TSPAN9: variants seen among roughly 807,000 people sequenced by gnomAD.
The protein encoded by TSPAN9 is tetraspanin 9, also known as tetraspanin-9.
TSPAN9 carries 16 observed loss-of-function variants against 31.0 expected under a neutral mutation model. The observed-to-expected ratio is 0.52, with a 90% confidence interval of 0.35 to 0.78. TSPAN9 has a LOEUF of 0.78. Ranked by LOEUF, TSPAN9 falls within the 30% of genes least tolerant of loss-of-function variation. The pLI is 0.01. For missense variants in TSPAN9, 272 were observed against 312.5 expected, an observed-to-expected ratio of 0.87 and a Z score of 0.98; for synonymous variants, 145 against 121.6, an observed-to-expected ratio of 1.19 and a Z score of -1.27.
intron 2 of TSPAN9, among the ~76,000 whole-genome samples, chr12:3,146,946 C>G (rs2098337541): frequency 6.6e-6 from 1 of 152,084 alleles, no homozygotes; most frequent in African/African-American, 2.4e-5. Context: ...AGTCCCTTAT[C>G]TTCTCTGAGC....
intron 2 of TSPAN9, among the ~76,000 whole-genome samples, chr12:3,122,279 A>T (rs2098325466): frequency 7.7e-6 from 1 of 129,200 alleles, no homozygotes; most frequent in Admixed American, 7.4e-5. Context: ...GCTTGCAGTG[A>T]GCCTGCACTC....
intron 2 of TSPAN9, among the ~76,000 whole-genome samples, chr12:3,179,092 TAGAC>T (rs1345104017): frequency 1.3e-5 from 2 of 152,130 alleles, no homozygotes; most frequent in African/African-American, 4.8e-5. Flanking sequence ...ATGTTGGCAT[TAGAC>T]AGGAACTATC....
intron 3 of TSPAN9, among the ~76,000 whole-genome samples, chr12:3,254,238 A>G (rs1431265428): frequency 2.6e-5 from 4 of 152,210 alleles, no homozygotes; most frequent in Admixed American, 2.0e-4. Context: ...TATTGGGGTC[A>G]GGTGCTTACT....
rs373827915 is a variant in TSPAN9, at chr12:3,283,036, G to T, written c.649-9G>T. ...GCTCCTGCCTCAGGCCCCTCCCCGT[G>T]TCTTTCAGATCCTGGGCATGGCCTT... On this transcript the variant is annotated splice_polypyrimidine_tract_variant and intron_variant, in intron 8 of 8. Coordinates refer to ENST00000011898, the MANE Select transcript of TSPAN9 (RefSeq NM_006675.5). The T allele has an allele frequency of 1.2e-6, 2 of 1,607,392 alleles. No homozygotes were observed. The highest frequency in any genetic ancestry group is 2.7e-5 in the African/African-American group (2 of 74,930).
At chr12:3,088,246 G>C (rs541706075) in intron 2 of TSPAN9, among the ~76,000 whole-genome samples, 2 of 152,376 alleles carry the variant, frequency 1.3e-5, no homozygotes, top group East Asian at 3.9e-4. Flanking sequence ...AGATTGCAAA[G>C]ACCTGAGTGA....
At chr12:3,189,595 A>G (rs1378780334) in intron 2 of TSPAN9, among the ~76,000 whole-genome samples, 3 of 152,014 alleles carry the variant, frequency 2.0e-5, no homozygotes, top group Non-Finnish European at 4.4e-5. Flanking sequence ...CTTTGAAAGC[A>G]CCTTTTGGGA....
At chr12:3,244,996 A>C (rs890793597) in intron 3 of TSPAN9, among the ~76,000 whole-genome samples, 8 of 152,130 alleles carry the variant, frequency 5.3e-5, no homozygotes, top group African/African-American at 1.9e-4. Context: ...CTCTGTGGGC[A>C]TCCCGGTCTT....
intron 2 of TSPAN9, among the ~76,000 whole-genome samples, chr12:3,178,905 C>G (rs1272533372): frequency 6.6e-6 from 1 of 152,230 alleles, no homozygotes; most frequent in Admixed American, 6.5e-5. Context: ...TGGAGACACC[C>G]TGTGGCTCGC....
intron 2 of TSPAN9, among the ~76,000 whole-genome samples, chr12:3,141,689 C>T (rs921997619): frequency 1.3e-5 from 2 of 152,172 alleles, no homozygotes; most frequent in African/African-American, 2.4e-5. Context: ...GGCTGGGCTG[C>T]GCGGCCTCTG....
intron 2 of TSPAN9, among the ~76,000 whole-genome samples, chr12:3,141,419 C>G (rs556941048): frequency 6.6e-6 from 1 of 152,140 alleles, no homozygotes; most frequent in African/African-American, 2.4e-5. Flanking sequence ...CTGCAGCGCA[C>G]GGTGATGCCC....
In TSPAN9 at chr12:3,270,535, G is replaced by A. The variant is rs571472949; in HGVS notation, c.64-7886G>A. 1.5e-3 allele frequency among the ~76,000 whole-genome samples: 227 copies of A among 152,366 alleles called. 1 individual carries two copies. The highest frequency in any genetic ancestry group is 2.7e-3 in the Non-Finnish European group (181 of 68,034). On this transcript the variant is annotated intron_variant, in intron 3 of 8. Transcript: ENST00000011898. ...CTCACAGATGCCTTGATTGGAGCAAGCCCCCAGGCAGGGCAGGTGCCCCCC... is the reference window on the plus strand; with the variant it reads ...CTCACAGATGCCTTGATTGGAGCAAACCCCCAGGCAGGGCAGGTGCCCCCC...
Position 3,280,502 on chromosome 12 carries a change from T to C in TSPAN9, c.432+19T>C, listed in dbSNP as rs756939766. On this transcript the variant is annotated intron_variant, in intron 6 of 8. Coordinates refer to ENST00000011898, the MANE Select transcript of TSPAN9 (RefSeq NM_006675.5). This position sits in a 1 kb window ranked among gnomAD's most constrained non-coding sequence, Gnocchi z 4.5. ...GGCTGAGGTGCGGGCTGGGCCGCCC[T>C]GGTGGGGCCAGGCAGGGAGGAGGGG... 1.9e-6 allele frequency: 3 copies of C among 1,605,586 alleles called. No individual in the cohort carries two copies. In the Admixed American group the frequency reaches 5.0e-5, roughly 27 times the overall value.
chr12:3,144,865 A>G (rs2098336435), intron 2 of TSPAN9, among the ~76,000 whole-genome samples: 1 of 152,236 alleles, frequency 6.6e-6, no homozygotes, highest in Non-Finnish European at 1.5e-5. Flanking sequence ...TTAGAACCCA[A>G]AAAGCTTGCA....
At chr12:3,106,468 G>A (rs2098314733) in intron 2 of TSPAN9, among the ~76,000 whole-genome samples, 1 of 152,140 alleles carries the variant, frequency 6.6e-6, no homozygotes, top group South Asian at 2.1e-4. Context: ...AGTGGAGGAG[G>A]TCCTTAAAAA....
At chr12:3,224,907 C>A (rs1307141479) in intron 3 of TSPAN9, among the ~76,000 whole-genome samples, 2 of 152,066 alleles carry the variant, frequency 1.3e-5, no homozygotes, top group Non-Finnish European at 2.9e-5. Flanking sequence ...GAGCTGTGGT[C>A]AGGATTACAG....
chr12:3,092,236 A>G (rs933415), intron 2 of TSPAN9, among the ~76,000 whole-genome samples: 5,055 of 152,190 alleles, frequency 0.033, 308 homozygotes, highest in African/African-American at 0.11. Flanking sequence ...TTCTCTGCTC[A>G]GGTCCCCACT....
chr12:3,189,431 C>T (rs1345411619), intron 2 of TSPAN9, among the ~76,000 whole-genome samples: 6 of 152,176 alleles, frequency 3.9e-5, no homozygotes, highest in Admixed American at 1.3e-4. Context: ...CCAAGCTCTG[C>T]CTTGGGCCAG....
intron 3 of TSPAN9, among the ~76,000 whole-genome samples, chr12:3,216,009 T>C (rs1042129164): frequency 6.6e-6 from 1 of 152,214 alleles, no homozygotes; most frequent in African/African-American, 2.4e-5. Flanking sequence ...CACGGCTCCA[T>C]GTTCCCAGCG....
chr12:3,120,474 C>T (rs545145632), intron 2 of TSPAN9, among the ~76,000 whole-genome samples: 1 of 152,214 alleles, frequency 6.6e-6, no homozygotes, highest in Non-Finnish European at 1.5e-5. Context: ...GCCCGTCACT[C>T]TCTCTTCCCC....
Sources: allele counts gnomAD v4.1 joint callset (sites outside exome capture counted in the v4.1 genomes callset), GRCh38; gene constraint gnomAD v4.1.1; non-coding constraint Gnocchi (gnomAD v3.1); transcripts MANE v1.5; gene names NCBI Gene and HGNC (gene_info 2026-07-23, HGNC 2026-07-21).